Variants in CHL1 observed in about 807,000 individuals in gnomAD.
The protein encoded by CHL1 is cell adhesion molecule L1 like.
Under a neutral mutation model 141.9 loss-of-function variants are expected in CHL1, and 96 were observed. That is an observed-to-expected ratio of 0.68 (90% CI 0.57 to 0.80). The LOEUF (loss-of-function observed/expected upper bound fraction) is 0.80, where lower values mean the gene tolerates loss of function less well. CHL1 is among the 30% of genes least tolerant of loss of function. The pLI, the probability that CHL1 is intolerant of heterozygous loss-of-function variation, is 0.00. For missense variants in CHL1, 1,820 were observed against 1,457.2 expected (o/e 1.25, Z -4.05); for synonymous variants, 613 against 502.2 (o/e 1.22, Z -2.95).
At chr3:397,500 A>G (rs562467612) in intron 24 of CHL1, among the ~76,000 whole-genome samples, 1 of 152,222 alleles carries the variant, frequency 6.6e-6, no homozygotes, top group South Asian at 2.1e-4. Context: ...TATTGAGTTG[A>G]TTCCCAGCAA....
intron 27 of CHL1, among the ~76,000 whole-genome samples, chr3:404,823 T>C (rs1709406716): frequency 6.6e-6 from 1 of 152,154 alleles, no homozygotes; most frequent in African/African-American, 2.4e-5. Flanking sequence ...TCTGAGTCCA[T>C]TAGGGCTACT....
At chr3:224,368 G>A (rs535562537) in intron 1 of CHL1, among the ~76,000 whole-genome samples, 38 of 152,238 alleles carry the variant, frequency 2.5e-4, no homozygotes, top group South Asian at 8.3e-4. Context: ...ATATATCTCC[G>A]CCAAATCTAA....
intron 1 of CHL1, among the ~76,000 whole-genome samples, chr3:221,518 A>T (rs908720341): frequency 5.9e-5 from 9 of 152,224 alleles, no homozygotes; most frequent in African/African-American, 2.2e-4. Flanking sequence ...GAGAAATCTC[A>T]TCCCTTTTAC....
intron 14 of CHL1, 144 bp downstream of exon 14, chr3:363,527 C>A: frequency 1.5e-6 from 1 of 683,712 alleles, no homozygotes; most frequent in Non-Finnish European, 2.4e-6. Flanking sequence ...GAATGGGTTT[C>A]ATCTAAAAGA....
chr3:363,183 A>G (rs1195562309), intron 13 of CHL1, 34 bp from the exon 14 acceptor site: 1 of 1,586,534 alleles, frequency 6.3e-7, no homozygotes, highest in East Asian at 2.2e-5. Flanking sequence ...ATTTTGCCCT[A>G]CCTCAGATGG....
chr3:398,917 A>G, intron 25 of CHL1, 100 bp from the exon 26 acceptor site: 2 of 1,098,846 alleles, frequency 1.8e-6, no homozygotes, highest in Non-Finnish European at 2.7e-6. Flanking sequence ...AACTGATACT[A>G]TTTGGTATGT....
chr3:341,341 C>T (rs1259857101), intron 6 of CHL1, among the ~76,000 whole-genome samples: 1 of 152,154 alleles, frequency 6.6e-6, no homozygotes, highest in Non-Finnish European at 1.5e-5. Flanking sequence ...CATGTTTTCT[C>T]ATTGTGAACC....
intron 23 of CHL1, among the ~76,000 whole-genome samples, chr3:394,016 A>G (rs1028302968): frequency 6.6e-6 from 1 of 152,128 alleles, no homozygotes; most frequent in African/African-American, 2.4e-5. Context: ...CTCTTGGACT[A>G]TTGTTACAGT....
intron 1 of CHL1, among the ~76,000 whole-genome samples, chr3:227,721 C>T (rs1279740062): frequency 6.6e-6 from 1 of 152,196 alleles, no homozygotes; most frequent in Non-Finnish European, 1.5e-5. Flanking sequence ...TACGTTCTTT[C>T]TCCTTATGGA....
At chr3:243,663 G>A (rs1244924402) in intron 1 of CHL1, among the ~76,000 whole-genome samples, 12 of 152,048 alleles carry the variant, frequency 7.9e-5, no homozygotes, top group Non-Finnish European at 1.0e-4. Flanking sequence ...TTTGGAATAA[G>A]GCCAAAAAGA....
At chr3:239,688 T>G (rs1230045269) in intron 1 of CHL1, among the ~76,000 whole-genome samples, 3 of 151,908 alleles carry the variant, frequency 2.0e-5, no homozygotes, top group African/African-American at 4.8e-5. Context: ...TTTGTGAGAT[T>G]TTGGTGCACT....
At chr3:341,888 C>T (rs930689166) in intron 6 of CHL1, 24 bp from the exon 7 acceptor site, 16 of 1,540,462 alleles carry the variant, frequency 1.0e-5, no homozygotes, top group African/African-American at 1.4e-5. Flanking sequence ...TTGCCCTTTT[C>T]AATGGCAAGA....
chr3:371,785 T>G (rs1231825666), intron 15 of CHL1, among the ~76,000 whole-genome samples: 2 of 152,198 alleles, frequency 1.3e-5, no homozygotes, highest in Non-Finnish European at 2.9e-5. Flanking sequence ...TCGGGAGATC[T>G]TGCAAGGCAG....
intron 5 of CHL1, among the ~76,000 whole-genome samples, chr3:338,345 T>C (rs1702098739): frequency 6.6e-6 from 1 of 152,230 alleles, no homozygotes; most frequent in Non-Finnish European, 1.5e-5. Context: ...TTTAATTTAC[T>C]TTTAAAAATA....
intron 16 of CHL1, among the ~76,000 whole-genome samples, chr3:380,039 T>A (rs1289694324): frequency 6.6e-6 from 1 of 152,200 alleles, no homozygotes; most frequent in Admixed American, 6.5e-5. Flanking sequence ...TGCAAGTTCA[T>A]CAGTTCTAGC....
chr3:264,290 C>A (rs1160206731), intron 2 of CHL1, among the ~76,000 whole-genome samples: 1 of 152,170 alleles, frequency 6.6e-6, no homozygotes, highest in Non-Finnish European at 1.5e-5. Flanking sequence ...TTCTTCCCTA[C>A]ACTTAGGGAC....
intron 13 of CHL1, 74 bp from the exon 14 acceptor site, chr3:363,143 G>C (rs535102800): frequency 3.2e-6 from 4 of 1,257,932 alleles, no homozygotes; most frequent in Admixed American, 2.3e-5. Flanking sequence ...CCTGAATGAC[G>C]TCACTGACTA....
At chr3:233,748 C>A (rs549044020) in intron 1 of CHL1, among the ~76,000 whole-genome samples, 1 of 152,164 alleles carries the variant, frequency 6.6e-6, no homozygotes, top group East Asian at 1.9e-4. Context: ...TCTTTAAAAA[C>A]ACAACTTTTT....
chr3:350,208 TC>T (rs1703125630), intron 10 of CHL1, among the ~76,000 whole-genome samples: 1 of 152,188 alleles, frequency 6.6e-6, no homozygotes, highest in Admixed American at 6.6e-5. Flanking sequence ...TTTTGATCAA[TC>T]AAGGTTTTAT....
Sources: allele counts gnomAD v4.1 joint callset (sites outside exome capture counted in the v4.1 genomes callset), GRCh38; gene constraint gnomAD v4.1.1; transcripts MANE v1.5; gene names NCBI Gene and HGNC (gene_info 2026-07-23, HGNC 2026-07-21).